TBC1D32: variants seen among roughly 807,000 people sequenced by gnomAD.
TBC1D32 encodes protein broad-minded.
In TBC1D32, 151 loss-of-function variants were observed where a neutral mutation model predicts 170.3. The observed-to-expected ratio is 0.89, with a 90% confidence interval of 0.78 to 1.01. The LOEUF is 1.01. Ranked by LOEUF, TBC1D32 falls within the 50% of genes least tolerant of loss-of-function variation. The probability of loss-of-function intolerance (pLI) is 0.00; values close to 1 mark genes in which losing one functional copy is unlikely to be tolerated. For missense variants in TBC1D32, 1,464 were observed against 1,457.1 expected (o/e 1.00, Z -0.08); for synonymous variants, 498 against 488.0 (o/e 1.02, Z -0.27).
intron 30 of TBC1D32, among the ~76,000 whole-genome samples, chr6:121,093,624 G>A (rs443149): frequency 0.36 from 55,060 of 152,072 alleles, 15,692 homozygotes; most frequent in African/African-American, 0.78. Flanking sequence ...TCCACCATAT[G>A]CATTGGTTAA....
intron 4 of TBC1D32, among the ~76,000 whole-genome samples, chr6:121,310,094 A>T (rs1807950977): frequency 6.6e-6 from 1 of 151,972 alleles, no homozygotes; most frequent in South Asian, 2.1e-4. Flanking sequence ...AATTGCTCAG[A>T]TAGTTAGGGA....
chr6:121,257,769 T>C (rs944158929), intron 15 of TBC1D32, among the ~76,000 whole-genome samples: 5 of 151,814 alleles, frequency 3.3e-5, no homozygotes, highest in Non-Finnish European at 7.4e-5. Flanking sequence ...CAGTCATTAT[T>C]TTTCTGATTC....
At chr6:121,233,711 G>A (rs753131928) in intron 20 of TBC1D32, among the ~76,000 whole-genome samples, 21 of 152,046 alleles carry the variant, frequency 1.4e-4, no homozygotes, top group Non-Finnish European at 2.1e-4. Flanking sequence ...TACATTCAAC[G>A]ATAGTATTGA....
At chr6:121,158,663 G>A (rs1785207618) in intron 24 of TBC1D32, among the ~76,000 whole-genome samples, 1 of 152,088 alleles carries the variant, frequency 6.6e-6, no homozygotes, top group Admixed American at 6.6e-5. Context: ...TTGTTTCTGG[G>A]TGCTTTCAGA....
intron 15 of TBC1D32, among the ~76,000 whole-genome samples, chr6:121,261,139 T>C (rs986091217): frequency 1.3e-5 from 2 of 152,292 alleles, no homozygotes; most frequent in African/African-American, 4.8e-5. Context: ...CTGATCTCCC[T>C]GGCCTGAGCC....
At chr6:121,223,829 A>T (rs1794783297) in intron 20 of TBC1D32, among the ~76,000 whole-genome samples, 1 of 105,492 alleles carries the variant, frequency 9.5e-6, no homozygotes, top group South Asian at 3.3e-4. Context: ...GCTAATTTTT[A>T]AAAGCCATGC....
chr6:121,161,186 T>G (rs1785587516), intron 22 of TBC1D32, 130 bp from the exon 23 acceptor site: 1 of 713,442 alleles, frequency 1.4e-6, no homozygotes, highest in African/African-American at 1.8e-5. Flanking sequence ...CTTTACTGCA[T>G]TTAGCATTTA....
intron 22 of TBC1D32, among the ~76,000 whole-genome samples, chr6:121,168,365 T>C (rs1240433057): frequency 7.2e-6 from 1 of 139,478 alleles, no homozygotes; most frequent in African/African-American, 2.6e-5. Flanking sequence ...ATATACACCA[T>C]GGAATACTAT....
intron 22 of TBC1D32, among the ~76,000 whole-genome samples, chr6:121,169,863 T>C (rs1378094080): frequency 6.6e-6 from 1 of 152,110 alleles, no homozygotes; most frequent in Non-Finnish European, 1.5e-5. Context: ...ATTGAGGTAA[T>C]GGCAAGTGTG....
chr6:121,145,621 A>T (rs1783327507), intron 24 of TBC1D32, among the ~76,000 whole-genome samples: 1 of 152,226 alleles, frequency 6.6e-6, no homozygotes, highest in Non-Finnish European at 1.5e-5. Context: ...TATCATCAGA[A>T]AAATAAGCAT....
intron 12 of TBC1D32, among the ~76,000 whole-genome samples, chr6:121,289,617 A>G (rs1279836444): frequency 6.6e-6 from 1 of 152,202 alleles, no homozygotes; most frequent in Non-Finnish European, 1.5e-5. Flanking sequence ...TAAGCTACCA[A>G]TGACTTTCCT....
intron 12 of TBC1D32, among the ~76,000 whole-genome samples, chr6:121,289,405 C>T (rs1347270117): frequency 1.3e-5 from 2 of 152,176 alleles, no homozygotes; most frequent in Non-Finnish European, 2.9e-5. Flanking sequence ...TTCACAATTG[C>T]TTCAAAGGGA....
At chr6:121,187,246 G>A (rs1474957118) in intron 22 of TBC1D32, among the ~76,000 whole-genome samples, 2 of 152,022 alleles carry the variant, frequency 1.3e-5, no homozygotes, top group Non-Finnish European at 2.9e-5. Flanking sequence ...ACCCTCCAAT[G>A]TTCTGCTTAA....
chr6:121,297,255 G>T (rs146324780), intron 10 of TBC1D32, among the ~76,000 whole-genome samples: 223 of 152,084 alleles, frequency 1.5e-3, no homozygotes, highest in African/African-American at 4.2e-3. Context: ...ACAGAAATTT[G>T]CTATAAAACT....
At chr6:121,314,650 C>T (rs1438048484) in intron 3 of TBC1D32, among the ~76,000 whole-genome samples, 1 of 152,174 alleles carries the variant, frequency 6.6e-6, no homozygotes, top group Non-Finnish European at 1.5e-5. Flanking sequence ...AATGCCCGTG[C>T]TGTACTATAC....
rs2073110505 is a variant in TBC1D32, at chr6:121,261,731, A to G, written c.1734-5446T>C. 2.0e-5 allele frequency among the ~76,000 whole-genome samples: 3 copies of G among 152,210 alleles called. No individual in the cohort carries two copies. The South Asian group carries it at 6.2e-4, about 32-fold the overall frequency. ...GGCCAGATTGTCTCTTTTCCTCCAA[A>G]TGATCACAACACCTCTCCAGCAAGG... On this transcript the variant is annotated intron_variant, in intron 15 of 31. Transcript: ENST00000398212.
intron 22 of TBC1D32, chr6:121,192,362 C>T (rs1323450245): frequency 2.6e-5 from 4 of 152,072 alleles, no homozygotes; most frequent in Non-Finnish European, 5.9e-5. Context: ...AGTTTAGTGA[C>T]TCTACATAAT....
rs115739584 is a variant in TBC1D32, at chr6:121,172,485, C to G, written c.2571-11429G>C. On this transcript the variant is annotated intron_variant, in intron 22 of 31. Transcript: ENST00000398212. ...AAGATCAATGGGAAAATACAACAGC[C>G]AAATCTAGGCAGGACTACAAATGGC... Among the ~76,000 whole-genome samples, 230 of 152,200 alleles carry G rather than the reference C, an allele frequency of 1.5e-3. 1 individual carries two copies. Among genetic ancestry groups the G allele is most frequent in the African/African-American group, 5.4e-3 (223 of 41,526 alleles).
At chr6:121,209,982 G>A (rs531388872) in intron 21 of TBC1D32, among the ~76,000 whole-genome samples, 7 of 152,234 alleles carry the variant, frequency 4.6e-5, no homozygotes, top group Middle Eastern at 6.8e-3. Context: ...CATCATTATC[G>A]TAGAGCTGGA....
Sources: gnomAD v4.1 joint callset for allele counts (sites outside exome capture counted in the v4.1 genomes callset) on GRCh38, gnomAD v4.1.1 for gene constraint, MANE v1.5 for transcripts, NCBI Gene and HGNC (gene_info 2026-07-23, HGNC 2026-07-21) for gene names.